Variants in MUC5B observed in about 807,000 individuals in gnomAD.
MUC5B encodes mucin 5B, oligomeric mucus/gel-forming, also known as mucin-5B.
Under a neutral mutation model 376.9 loss-of-function variants are expected in MUC5B, and 116 were observed. The ratio of observed to expected loss-of-function variants is 0.31; its 90% CI spans 0.26 to 0.36. The LOEUF (loss-of-function observed/expected upper bound fraction) is 0.36. Among genes scored for constraint, MUC5B ranks in the 10% least tolerant of loss-of-function variants. The probability of loss-of-function intolerance (pLI) is 1.00; values close to 1 mark genes in which losing one functional copy is unlikely to be tolerated. For missense variants in MUC5B, 7,165 were observed against 7,769.9 expected (o/e 0.92, Z 2.93); for synonymous variants, 3,517 against 3,390.9 (o/e 1.04, Z -1.29).
Position 1,257,633 on chromosome 11 carries a change from C to A in MUC5B, c.16373C>A (p.Pro5458Gln). 1 of 1,599,836 alleles carries A rather than the reference C, an allele frequency of 6.3e-7. No individual in the cohort carries two copies. ...PLPCDAQGQPPPCNRPGFVTV... is the reference protein window; with the variant it reads ...PLPCDAQGQPQPCNRPGFVTV... ...CCCTGTGACGCCCAGGGTCAGCCCCCGCCGTGCAACCGTCCCGGCTTCGTA... is the reference window on the plus strand; with the variant it reads ...CCCTGTGACGCCCAGGGTCAGCCCCAGCCGTGCAACCGTCCCGGCTTCGTA... Residue 5458 changes from proline (P) to glutamine (Q), a missense_variant, in exon 41 of 49, where the codon CCG becomes CAG. This residue lies in a region of MUC5B where 842 missense variants were observed against 1,016.9 expected (regional missense o/e 0.83). Coordinates refer to ENST00000529681, the MANE Select transcript of MUC5B (RefSeq NM_002458.3). This position sits in a 1 kb window ranked among gnomAD's most constrained non-coding sequence, Gnocchi z 8.9.
At position 1,244,848 on chromosome 11, in the gene MUC5B, C is replaced by G. The variant is rs1181664611; in HGVS notation, c.7968C>G (p.Thr2656=). 3.7e-6 allele frequency: 6 copies of G among 1,613,556 alleles called. No individual in the cohort carries two copies. The highest frequency in any genetic ancestry group is 1.1e-5 in the South Asian group (1 of 91,064). ...CCCCCTCCTCCATCCCGGGGACCAC[C>G]CACACCCCCACAGTGCTGACCACCA... ...TVTPSSIPGT[T]HTPTVLTTTT... Residue 2656 remains threonine (T), a synonymous_variant, in exon 31 of 49, where the codon ACC becomes ACG. Transcript: ENST00000529681.
chr11:1,239,027 C>A lies in MUC5B; in HGVS notation c.3454C>A (p.Pro1152Thr), dbSNP rs372686050. ...GTCCTGGCGGACTCCGGACACCTGC[C>A]GTGAGTCGGGCTCTGTCCGTGGTGC... is the stretch of plus-strand genomic sequence containing the variant. ...CVSWRTPDTC[P>T]LFCDFYNPHG... The change falls in exon 26 of 49, where the codon CCC becomes ACC. Residue 1152 changes from proline (P) to threonine (T), a missense_variant and splice_region_variant. Physicochemically the swap from Pro to Thr is conservative, Grantham distance 38 (BLOSUM62 -1). This residue lies in a region of MUC5B where 143 missense variants were observed against 193.2 expected (regional missense o/e 0.74). Coordinates refer to ENST00000529681, the MANE Select transcript of MUC5B (RefSeq NM_002458.3). The A allele has an allele frequency of 1.3e-6, 2 of 1,572,306 alleles. No homozygotes were observed. The highest frequency in any genetic ancestry group is 8.6e-7 in the Non-Finnish European group (1 of 1,159,636).
intron 32 of MUC5B, 70 bp from the exon 33 acceptor site, chr11:1,252,739 G>C (rs1862738358): frequency 3.0e-5 from 46 of 1,515,724 alleles, no homozygotes; most frequent in Non-Finnish European, 4.1e-5. Flanking sequence ...TGGGCCATGA[G>C]GGGTGGGATG....
chr11:1,229,063 T>G lies in MUC5B; in HGVS notation c.977-107T>G, dbSNP rs1348681720. The G allele has an allele frequency of 3.3e-5, 44 of 1,333,466 alleles. No homozygotes were observed. The South Asian group carries it at 5.9e-4, about 18-fold the overall frequency. 82.6% of individuals were successfully genotyped at this position (1,333,466 alleles called of 1,614,324 possible). Reference sequence around the variant, plus strand: ...GGCCACCCTGGGGCCTAGCTCTGGCTTCTGTGGACTTGATGGCATGTGGAA... The same window carrying G: ...GGCCACCCTGGGGCCTAGCTCTGGCGTCTGTGGACTTGATGGCATGTGGAA... On this transcript the variant is annotated intron_variant, in intron 8 of 48. Coordinates refer to ENST00000529681, the MANE Select transcript of MUC5B (RefSeq NM_002458.3).
At chr11:1,229,871 C>T (rs554700622) in intron 10 of MUC5B, 64 bp downstream of exon 10, 184 of 1,545,882 alleles carry the variant, frequency 1.2e-4, no homozygotes, top group Middle Eastern at 1.2e-3. Flanking sequence ...TTTATGAACC[C>T]GCCAGCCTCT....
intron 31 of MUC5B, 121 bp from the exon 32 acceptor site, chr11:1,252,222 T>G: frequency 1.0e-6 from 1 of 992,014 alleles, no homozygotes; most frequent in African/African-American, 1.6e-5. Context: ...CTCTGCCCTC[T>G]CCACTCCCTT....
rs535733421 is a variant in MUC5B, at chr11:1,248,580, T to A, written c.11700T>A (p.Ser3900Arg). Residue 3900 changes from serine (S) to arginine (R), a missense_variant, in exon 31 of 49, where the codon AGT becomes AGA. By Grantham distance (110) the Ser-to-Arg change is moderately radical (BLOSUM62 -1). This residue lies in a region of MUC5B where 242 missense variants were observed against 199.0 expected (regional missense o/e 1.22). Coordinates refer to ENST00000529681, the MANE Select transcript of MUC5B (RefSeq NM_002458.3). ...WISTTTTPTTSGSTVTPSSVP... is the reference protein window; with the variant it reads ...WISTTTTPTTRGSTVTPSSVP... ...GCACAACCACCACACCCACAACCAG[T>A]GGCTCCACGGTGACCCCCTCCTCCG... 356 of 1,611,780 alleles carry A rather than the reference T, an allele frequency of 2.2e-4. 2 individuals are homozygous for A. The African/African-American group carries it at 2.8e-3, about 13-fold the overall frequency.
Position 1,248,599 on chromosome 11 carries a change from T to C in MUC5B, c.11719T>C (p.Ser3907Pro). The part of the protein sequence containing the change: ...PTTSGSTVTP[S>P]SVPGTTHTPT... ...AACCAGTGGCTCCACGGTGACCCCC[T>C]CCTCCGTCCCGGGGACCACCCACAC... The change falls in exon 31 of 49, where the codon TCC becomes CCC. Residue 3907 changes from serine to proline, a missense_variant. By Grantham distance (74) the Ser-to-Pro change is moderately conservative. Around this residue, in one of 31 missense-constraint regions of MUC5B, gnomAD observed 242 missense variants for 199.0 expected, o/e 1.22. Transcript: ENST00000529681. 1.9e-6 allele frequency: 3 copies of C among 1,611,622 alleles called. No homozygotes were observed. Among genetic ancestry groups the C allele is most frequent in the Non-Finnish European group, 2.5e-6 (3 of 1,179,154 alleles).
In MUC5B at chr11:1,257,585, T is replaced by C. The variant is rs1473731304; in HGVS notation, c.16325T>C (p.Val5442Ala). Residue 5442 changes from valine to alanine, a missense_variant, in exon 41 of 49, where the codon GTG becomes GCG. Val to Ala is a moderately conservative substitution (Grantham distance 64). This residue lies in a region of MUC5B where 842 missense variants were observed against 1,016.9 expected (regional missense o/e 0.83). Transcript: ENST00000529681. The surrounding 1 kb of genome is among the most constrained non-coding windows in gnomAD (Gnocchi z 8.9). Reference protein sequence around the residue: ...CQSCVCDEGSVSVQCKPLPCD... With the variant: ...CQSCVCDEGSASVQCKPLPCD... ...TCCTGCGTGTGTGACGAGGGTTCAG[T>C]GTCGGTGCAGTGCAAGCCCCTGCCC... 2 of 1,606,760 alleles carry C rather than the reference T, an allele frequency of 1.2e-6. No individual in the cohort carries two copies. The highest frequency in any genetic ancestry group is 2.7e-5 in the African/African-American group (2 of 74,906).
At chr11:1,223,863 G>A (rs1052473247) in intron 1 of MUC5B, among the ~76,000 whole-genome samples, 8 of 152,216 alleles carry the variant, frequency 5.3e-5, no homozygotes, top group Admixed American at 1.3e-4. Flanking sequence ...GGGGCCACCG[G>A]GAGACACCCA....
chr11:1,235,148 C>A lies in MUC5B; in HGVS notation c.2694C>A (p.Tyr898Ter). 6.2e-7 allele frequency: 1 copy of A among 1,612,952 alleles called. No homozygotes were observed. The highest frequency in any genetic ancestry group is 8.5e-7 in the Non-Finnish European group (1 of 1,179,702). ...HRLCLGTCVA[Y>*]GDGHFITFDG... ...TCTGCCTGGGCACCTGCGTGGCCTA[C>A]GGGGATGGCCACTTCATCACCTTTG... The change falls in exon 22 of 49, where the codon TAC (tyrosine) becomes TAA (stop). Residue 898 changes from tyrosine (Y) to a stop codon, truncating the protein, a stop_gained. Coordinates refer to ENST00000529681, the MANE Select transcript of MUC5B (RefSeq NM_002458.3). LOFTEE classifies it high-confidence loss of function.
chr11:1,225,804 G>A, intron 2 of MUC5B, 67 bp downstream of exon 2: 2 of 1,441,836 alleles, frequency 1.4e-6, no homozygotes. Flanking sequence ...TTGGGCTGGG[G>A]CAGGCAGACG....
rs1862015860 is a variant in MUC5B, at chr11:1,231,009, T to C, written c.1540+4T>C. On this transcript the variant is annotated splice_donor_region_variant and intron_variant, in intron 13 of 48. Transcript: ENST00000529681. ...ACGCAGCTGCCCCTGTCGGCAGGTATGTGGCTCTCCCAGGACGGCCGGGCT... is the reference window on the plus strand; with the variant it reads ...ACGCAGCTGCCCCTGTCGGCAGGTACGTGGCTCTCCCAGGACGGCCGGGCT... 12 of 1,589,194 alleles carry C rather than the reference T, an allele frequency of 7.6e-6. No homozygotes were observed. In the East Asian group the frequency reaches 1.2e-4, roughly 15 times the overall value.
chr11:1,260,292 C>A, intron 46 of MUC5B, 59 bp from the exon 47 acceptor site: 1 of 1,557,968 alleles, frequency 6.4e-7, no homozygotes, highest in Non-Finnish European at 8.8e-7. Flanking sequence ...CCCCAGGAGG[C>A]CGCACCCACC....
At position 1,250,063 on chromosome 11, in the gene MUC5B, C is replaced by G. The variant is rs772213966; in HGVS notation, c.13183C>G (p.Leu4395Val). Reference protein sequence around the residue: ...TPGTTWILTELTTAATTTAAT... With the variant: ...TPGTTWILTEVTTAATTTAAT... ...GGGGACGACCTGGATCCTCACAGAG[C>G]TGACCACAGCAGCCACTACAACTGC... Residue 4395 changes from leucine to valine, a missense_variant, in exon 31 of 49, where the codon CTG (leucine) becomes GTG (valine). Leu to Val is a conservative substitution (Grantham distance 32). Transcript: ENST00000529681. The G allele has an allele frequency of 9.4e-6, 15 of 1,595,498 alleles. No homozygotes were observed. In the Admixed American group the frequency reaches 2.6e-4, roughly 27 times the overall value.
intron 11 of MUC5B, 53 bp from the exon 12 acceptor site, chr11:1,230,437 G>A (rs1005650369): frequency 1.4e-5 from 20 of 1,478,128 alleles, no homozygotes; most frequent in Non-Finnish European, 1.7e-5. Flanking sequence ...CTTCTGGGGG[G>A]CACCCCACAT....
intron 47 of MUC5B, 92 bp downstream of exon 47, chr11:1,260,485 T>C (rs1016477593): frequency 2.0e-6 from 3 of 1,524,122 alleles, no homozygotes; most frequent in African/African-American, 2.7e-5. Flanking sequence ...TAGGCAGCAG[T>C]GGGATGCCCG....
Position 1,243,450 on chromosome 11 carries a change from G to A in MUC5B, c.6570G>A (p.Val2190=), listed in dbSNP as rs1862352548. The change falls in exon 31 of 49, where the codon GTG becomes GTA. Residue 2190 remains valine, a synonymous_variant. Transcript: ENST00000529681. Reference sequence around the variant, plus strand: ...TAGGGACCACCCACACACCCCCAGTGCCGAACACCATGGCCACCACACACG... The same window carrying A: ...TAGGGACCACCCACACACCCCCAGTACCGAACACCATGGCCACCACACACG... ...SALGTTHTPP[V]PNTMATTHGR... 1 of 1,454,842 alleles carries A rather than the reference G, an allele frequency of 6.9e-7. No homozygotes were observed. The highest frequency in any genetic ancestry group is 1.9e-5 in the Admixed American group (1 of 51,880). 90.1% of individuals were successfully genotyped at this position (1,454,842 alleles called of 1,614,324 possible).
Position 1,240,345 on chromosome 11 carries a change from A to G in MUC5B, c.3940A>G (p.Thr1314Ala). 6.2e-7 allele frequency: 1 copy of G among 1,606,438 alleles called. No individual in the cohort carries two copies. The highest frequency in any genetic ancestry group is 1.7e-5 in the Admixed American group (1 of 59,744). ...TCCAGCCACAACGCCATTCACCTTC[A>G]CCACCGCCTGGGTCCCCCACTCCAC... ...GTPATTPFTF[T>A]TAWVPHSTTS... Residue 1314 changes from threonine to alanine, a missense_variant, in exon 30 of 49, where the codon ACC (threonine) becomes GCC (alanine). By Grantham distance (58) the Thr-to-Ala change is moderately conservative. This residue lies in a region of MUC5B where 517 missense variants were observed against 545.3 expected (regional missense o/e 0.95). Coordinates refer to ENST00000529681, the MANE Select transcript of MUC5B (RefSeq NM_002458.3).
Sources: gnomAD v4.1 joint callset for allele counts (sites outside exome capture counted in the v4.1 genomes callset) on GRCh38, gnomAD v4.1.1 for gene constraint, gnomAD v4.1.1 regional missense constraint, Gnocchi (gnomAD v3.1) non-coding constraint, MANE v1.5 for transcripts, NCBI Gene and HGNC (gene_info 2026-07-23, HGNC 2026-07-21) for gene names.